LARGE1: variants seen among roughly 807,000 people sequenced by gnomAD.
The protein encoded by LARGE1 is LARGE xylosyl- and glucuronyltransferase 1, also known as xylosyl- and glucuronyltransferase LARGE1.
In LARGE1, 43 loss-of-function variants were observed where a neutral mutation model predicts 87.6. The observed-to-expected ratio is 0.49, with a 90% confidence interval of 0.38 to 0.63. LARGE1 has a LOEUF of 0.63. LARGE1 is among the 30% of genes least tolerant of loss of function. LARGE1 has a pLI of 0.00. For synonymous variants in LARGE1, 434 were observed against 394.6 expected, an observed-to-expected ratio of 1.10 and a Z score of -1.18; for missense variants, 802 against 1,000.2, an observed-to-expected ratio of 0.80 and a Z score of 2.67.
At chr22:33,747,513 G>C (rs2084133907) in intron 2 of LARGE1, among the ~76,000 whole-genome samples, 1 of 152,124 alleles carries the variant, frequency 6.6e-6, no homozygotes, top group African/African-American at 2.4e-5. Context: ...GGCCTGCCCA[G>C]ATCACCCTAT....
intron 6 of LARGE1, among the ~76,000 whole-genome samples, chr22:33,531,484 T>C (rs1307229762): frequency 6.6e-6 from 1 of 152,184 alleles, no homozygotes; most frequent in Non-Finnish European, 1.5e-5. Flanking sequence ...ATATCAATTA[T>C]CTCTCCAACT....
chr22:33,321,396 T>A (rs1432294634), intron 10 of LARGE1, among the ~76,000 whole-genome samples: 2 of 152,186 alleles, frequency 1.3e-5, no homozygotes, highest in African/African-American at 4.8e-5. Flanking sequence ...GGCTTTCCCC[T>A]TGAGGGCCTA....
chr22:33,320,299 C>T (rs1000750483), intron 10 of LARGE1, among the ~76,000 whole-genome samples: 20 of 152,124 alleles, frequency 1.3e-4, no homozygotes, highest in African/African-American at 4.1e-4. Context: ...TCTTCCCTCT[C>T]GGGGATGCCC....
intron 7 of LARGE1, among the ~76,000 whole-genome samples, chr22:33,402,323 G>A (rs188988077): frequency 1.1e-4 from 16 of 152,296 alleles, no homozygotes; most frequent in African/African-American, 1.7e-4. Flanking sequence ...CCAAGACTTC[G>A]GAGTGAGGTC....
chr22:33,144,430 C>T, the LARGE1 span, among the ~76,000 whole-genome samples: 4 of 151,902 alleles, frequency 2.6e-5, no homozygotes, highest in Non-Finnish European at 5.9e-5. Flanking sequence ...ATTATTGATT[C>T]TATAGTTGTT....
At chr22:33,481,050 T>C (rs968994570) in intron 6 of LARGE1, among the ~76,000 whole-genome samples, 1 of 152,092 alleles carries the variant, frequency 6.6e-6, no homozygotes, top group Non-Finnish European at 1.5e-5. Context: ...TCTCATCTCT[T>C]ATAATTTCCT....
At chr22:33,284,275 A>G (rs1377358986) in intron 12 of LARGE1, among the ~76,000 whole-genome samples, 1 of 151,144 alleles carries the variant, frequency 6.6e-6, no homozygotes, top group Non-Finnish European at 1.5e-5. Flanking sequence ...GAGAATCACC[A>G]AACTGGGCAC....
At position 33,874,428 on chromosome 22, in the gene LARGE1, G is replaced by A. The variant is rs562461017; in HGVS notation, c.-83+45567C>T. ...AACTTTTTCACAAAGGTCTCAGGGC[G>A]TGACCCAAACAGAAAGGCAATGTAA... On this transcript the variant is annotated intron_variant, in intron 1 of 14. Coordinates refer to ENST00000397394, the MANE Select transcript of LARGE1 (RefSeq NM_133642.5). 5.3e-5 allele frequency among the ~76,000 whole-genome samples: 8 copies of A among 152,322 alleles called. No individual in the cohort carries two copies. The East Asian group carries it at 1.2e-3, about 22-fold the overall frequency.
intron 1 of LARGE1, among the ~76,000 whole-genome samples, chr22:33,826,868 C>T (rs1418388627): frequency 6.6e-6 from 1 of 152,024 alleles, no homozygotes; most frequent in African/African-American, 2.4e-5. Flanking sequence ...AAAATTTAAC[C>T]CTTTAAAACA....
intron 11 of LARGE1, among the ~76,000 whole-genome samples, chr22:33,254,309 T>C (rs1053907614): frequency 6.6e-6 from 1 of 152,126 alleles, no homozygotes; most frequent in African/African-American, 2.4e-5. Context: ...GTTGGGCCTG[T>C]GTTGGAAGCA....
At chr22:33,572,246 C>A in intron 5 of LARGE1, 1 of 1,269,606 alleles carries the variant, frequency 7.9e-7, no homozygotes, top group African/African-American at 1.5e-5. Flanking sequence ...AAGTCATTTG[C>A]CTTTCATGTT....
chr22:33,324,216 A>ATG (rs1937017694), intron 10 of LARGE1, among the ~76,000 whole-genome samples: 1 of 138,648 alleles, frequency 7.2e-6, no homozygotes, highest in Non-Finnish European at 1.5e-5. Flanking sequence ...GCAACAGACC[A>ATG]AGACTCCATC....
chr22:33,327,494 T>A (rs1270244030), intron 10 of LARGE1, among the ~76,000 whole-genome samples: 1 of 152,184 alleles, frequency 6.6e-6, no homozygotes, highest in Non-Finnish European at 1.5e-5. Context: ...GTGGGTGCAT[T>A]TACTGACCAT....
At chr22:33,325,957 A>G (rs571338951) in intron 10 of LARGE1, among the ~76,000 whole-genome samples, 130 of 152,266 alleles carry the variant, frequency 8.5e-4, no homozygotes, top group African/African-American at 2.7e-3. Flanking sequence ...GTCTCCTGAA[A>G]CCTAACCCAG....
chr22:33,201,000 C>T (rs1924352442), intron 11 of LARGE1, among the ~76,000 whole-genome samples: 1 of 151,998 alleles, frequency 6.6e-6, no homozygotes. Flanking sequence ...GTCATGGTTG[C>T]TATGAAATGA....
intron 2 of LARGE1, among the ~76,000 whole-genome samples, chr22:33,754,527 G>A (rs997345939): frequency 2.0e-5 from 3 of 151,664 alleles, no homozygotes; most frequent in South Asian, 2.1e-4. Flanking sequence ...TAGTAGAGAC[G>A]GGGTTTCACC....
intron 11 of LARGE1, among the ~76,000 whole-genome samples, chr22:33,168,390 C>A (rs1922386993): frequency 6.6e-6 from 1 of 152,198 alleles, no homozygotes; most frequent in Admixed American, 6.5e-5. Context: ...ACCCTGACTT[C>A]TATTTGAAGA....
chr22:33,661,219 T>TC (rs2081112951), intron 2 of LARGE1, among the ~76,000 whole-genome samples: 2 of 142,674 alleles, frequency 1.4e-5, no homozygotes, highest in Non-Finnish European at 3.0e-5. Context: ...GTTCTATGAT[T>TC]TTTTTTTTTT....
the LARGE1 span, among the ~76,000 whole-genome samples, chr22:33,076,110 G>T: frequency 6.6e-6 from 1 of 152,150 alleles, no homozygotes; most frequent in Non-Finnish European, 1.5e-5. Context: ...ACCTGACCTT[G>T]AAACTCATTT....
Sources: allele counts gnomAD v4.1 joint callset (sites outside exome capture counted in the v4.1 genomes callset), GRCh38; gene constraint gnomAD v4.1.1; transcripts MANE v1.5; gene names NCBI Gene and HGNC (gene_info 2026-07-23, HGNC 2026-07-21).